SYNE2: variants seen among roughly 807,000 people sequenced by gnomAD.
SYNE2 encodes nesprin-2.
A neutral mutation model predicts 856.3 loss-of-function variants in SYNE2; 431 were observed. The ratio of observed to expected loss-of-function variants is 0.50; its 90% CI spans 0.47 to 0.55. The LOEUF (loss-of-function observed/expected upper bound fraction) is 0.55, where lower values mean the gene tolerates loss of function less well. Ranked by LOEUF, SYNE2 falls within the 20% of genes least tolerant of loss-of-function variation. The pLI is 0.00. For missense variants in SYNE2, 8,129 were observed against 8,023.2 expected, an observed-to-expected ratio of 1.01 and a Z score of -0.50; for synonymous variants, 2,923 against 2,872.3, an observed-to-expected ratio of 1.02 and a Z score of -0.56.
chr14:64,220,154 G>C (rs548153871), intron 110 of SYNE2, among the ~76,000 whole-genome samples: 20 of 152,276 alleles, frequency 1.3e-4, no homozygotes, highest in African/African-American at 4.6e-4. Context: ...ACCTTTAGTC[G>C]GTCCAGAAAC....
chr14:63,911,635 G>A lies in SYNE2; in HGVS notation c.79+2408G>A, dbSNP rs373126575. On this transcript the variant is annotated intron_variant, in intron 2 of 115. Coordinates refer to ENST00000555002, the MANE Select transcript of SYNE2 (RefSeq NM_182914.3). ...GTGGAGCTGTGTTTTGACTAGGACA[G>A]TTTTCTTTGTATTGTACCATACCCT... Among the ~76,000 whole-genome samples, 36 of 152,288 alleles carry A rather than the reference G, an allele frequency of 2.4e-4. 2 individuals are homozygous for A. The South Asian group carries it at 7.3e-3, about 31-fold the overall frequency.
At chr14:64,130,500 T>C (rs1370491660) in intron 76 of SYNE2, among the ~76,000 whole-genome samples, 1 of 152,210 alleles carries the variant, frequency 6.6e-6, no homozygotes, top group Non-Finnish European at 1.5e-5. Flanking sequence ...GATAGATATT[T>C]ATCAACAAGT....
intron 1 of SYNE2, among the ~76,000 whole-genome samples, chr14:63,787,921 A>T (rs1256346579): frequency 6.6e-6 from 1 of 152,164 alleles, no homozygotes; most frequent in Non-Finnish European, 1.5e-5. Context: ...TGCCACCAGC[A>T]TCCATGGCAC....
Position 64,056,161 on chromosome 14 carries a change from C to T in SYNE2, c.9962C>T (p.Ser3321Phe), listed in dbSNP as rs751449516. 6 of 1,614,092 alleles carry T rather than the reference C, an allele frequency of 3.7e-6. No homozygotes were observed. The highest frequency in any genetic ancestry group is 5.1e-6 in the Non-Finnish European group (6 of 1,180,000). ...QDLTEKLGMI[S>F]SPEAKLQLQY... is the part of the protein sequence containing the mutation. ...CTCACTGAGAAACTGGGAATGATAT[C>T]CAGCCCCGAAGCCAAACTACAACTT... Residue 3321 changes from serine to phenylalanine, a missense_variant, in exon 49 of 116, where the codon TCC becomes TTC. This residue lies in a region of SYNE2 where 5,410 missense variants were observed against 5,284.8 expected (regional missense o/e 1.02). Coordinates refer to ENST00000555002, the MANE Select transcript of SYNE2 (RefSeq NM_182914.3).
chr14:63,978,097 C>T, intron 13 of SYNE2, 80 bp downstream of exon 13: 1 of 930,754 alleles, frequency 1.1e-6, no homozygotes, highest in Non-Finnish European at 1.8e-6. Flanking sequence ...CCACAAAATA[C>T]AGATTTTTAG....
chr14:64,215,955 C>T (rs1327442623), intron 107 of SYNE2: 5 of 1,346,222 alleles, frequency 3.7e-6, no homozygotes, highest in East Asian at 6.4e-5. Flanking sequence ...TCCCCAGACC[C>T]GGCCTTGCCA....
At chr14:63,776,689 T>G (rs916070993) in intron 1 of SYNE2, among the ~76,000 whole-genome samples, 3 of 151,852 alleles carry the variant, frequency 2.0e-5, no homozygotes, top group Middle Eastern at 3.4e-3. Flanking sequence ...AACCTCCGCT[T>G]CCTGGGTTCT....
At chr14:63,884,628 G>C (rs1242208164) in intron 1 of SYNE2, among the ~76,000 whole-genome samples, 2 of 152,068 alleles carry the variant, frequency 1.3e-5, no homozygotes, top group African/African-American at 4.8e-5. Context: ...ATAGGTGAGA[G>C]AGTGTGTGCA....
intron 1 of SYNE2, among the ~76,000 whole-genome samples, chr14:63,794,496 T>C (rs901646616): frequency 6.6e-6 from 1 of 152,150 alleles, no homozygotes; most frequent in Non-Finnish European, 1.5e-5. Context: ...AGCCATGTTA[T>C]AGAAACTTTA....
At chr14:64,124,426 G>T (rs2097921540) in intron 70 of SYNE2, among the ~76,000 whole-genome samples, 1 of 148,446 alleles carries the variant, frequency 6.7e-6, no homozygotes. Context: ...TGTTGTACAG[G>T]CTGGTCTTGA....
chr14:63,778,545 T>C (rs1887192592), intron 1 of SYNE2, among the ~76,000 whole-genome samples: 2 of 152,150 alleles, frequency 1.3e-5, no homozygotes, highest in South Asian at 4.2e-4. Flanking sequence ...GACCGGGTCT[T>C]ACTCTGTCAC....
chr14:63,838,113 T>C (rs1354228332), intron 1 of SYNE2, among the ~76,000 whole-genome samples: 2 of 152,102 alleles, frequency 1.3e-5, no homozygotes, highest in African/African-American at 4.8e-5. Context: ...CTGACGCCTG[T>C]AATCCCAGCG....
intron 15 of SYNE2, 72 bp downstream of exon 15, chr14:63,980,804 T>C (rs1196246727): frequency 1.6e-6 from 2 of 1,230,430 alleles, no homozygotes; most frequent in African/African-American, 3.0e-5. Flanking sequence ...TTGTGCTTTC[T>C]ATATAATGTT....
At chr14:64,005,188 T>A (rs2096786972) in intron 30 of SYNE2, among the ~76,000 whole-genome samples, 1 of 152,198 alleles carries the variant, frequency 6.6e-6, no homozygotes, top group Non-Finnish European at 1.5e-5. Flanking sequence ...TGGGAAGTCA[T>A]TGCAGGGTTC....
At chr14:63,908,269 T>C (rs891603250) in intron 1 of SYNE2, among the ~76,000 whole-genome samples, 2 of 152,220 alleles carry the variant, frequency 1.3e-5, no homozygotes, top group Non-Finnish European at 2.9e-5. Context: ...TATTTTGCAA[T>C]GCTTGCTTGA....
intron 13 of SYNE2, among the ~76,000 whole-genome samples, chr14:63,978,341 A>G (rs1197515889): frequency 6.6e-6 from 1 of 152,180 alleles, no homozygotes; most frequent in African/African-American, 2.4e-5. Flanking sequence ...TGCCCTGTCC[A>G]GGTCTCACCA....
At chr14:63,796,915 T>C (rs922324989) in intron 1 of SYNE2, among the ~76,000 whole-genome samples, 2 of 151,540 alleles carry the variant, frequency 1.3e-5, no homozygotes, top group Non-Finnish European at 2.9e-5. Flanking sequence ...CTATCTCTAC[T>C]AAAGATACAA....
chr14:64,104,906 G>A (rs928801961), intron 64 of SYNE2, among the ~76,000 whole-genome samples: 10 of 152,026 alleles, frequency 6.6e-5, no homozygotes, highest in African/African-American at 2.2e-4. Context: ...TTTTGGGATG[G>A]AGTTTCTCCA....
chr14:64,008,014 C>G (rs1198279114), intron 31 of SYNE2, among the ~76,000 whole-genome samples: 1 of 152,128 alleles, frequency 6.6e-6, no homozygotes, highest in Non-Finnish European at 1.5e-5. Flanking sequence ...AAAAGAAAAT[C>G]AAGCTGTGTT....
Sources: allele counts gnomAD v4.1 joint callset (sites outside exome capture counted in the v4.1 genomes callset), GRCh38; gene constraint gnomAD v4.1.1; regional missense constraint gnomAD v4.1.1; transcripts MANE v1.5; gene names NCBI Gene and HGNC (gene_info 2026-07-23, HGNC 2026-07-21).